Variants in BAZ1A observed in about 807,000 individuals in gnomAD.
BAZ1A encodes the protein bromodomain adjacent to zinc finger domain protein 1A.
BAZ1A carries 50 observed loss-of-function variants against 185.2 expected under a neutral mutation model. That is an observed-to-expected ratio of 0.27 (90% CI 0.22 to 0.34). BAZ1A has a LOEUF of 0.34. BAZ1A is among the 10% of genes least tolerant of loss of function. The probability of loss-of-function intolerance (pLI) is 1.00; values close to 1 mark genes in which losing one functional copy is unlikely to be tolerated. For synonymous variants in BAZ1A, 571 were observed against 615.6 expected (o/e 0.93, Z 1.07); for missense variants, 1,356 against 1,839.9 (o/e 0.74, Z 4.81).
At chr14:34,790,555 T>C (rs1042115045) in intron 12 of BAZ1A, among the ~76,000 whole-genome samples, 7 of 151,916 alleles carry the variant, frequency 4.6e-5, no homozygotes, top group African/African-American at 1.7e-4. Flanking sequence ...GGTTTCACCA[T>C]GTTGGTCAGG....
At chr14:34,794,404 A>G (rs973028351) in intron 11 of BAZ1A, among the ~76,000 whole-genome samples, 4 of 152,198 alleles carry the variant, frequency 2.6e-5, no homozygotes, top group African/African-American at 9.7e-5. Context: ...ATCCTGTTGA[A>G]TCCCACGGTG....
At chr14:34,862,998 T>TC (rs71121232) in intron 2 of BAZ1A, among the ~76,000 whole-genome samples, 1 of 149,170 alleles carries the variant, frequency 6.7e-6, no homozygotes, top group Non-Finnish European at 1.5e-5. Flanking sequence ...CTTTTTTTTT[T>TC]TTTTTTTTGA....
Position 34,862,222 on chromosome 14 carries a change from T to C in BAZ1A, c.214A>G (p.Lys72Glu). The C allele has an allele frequency of 6.2e-7, 1 of 1,614,194 alleles. No individual in the cohort carries two copies. Residue 72 changes from lysine to glutamate, a missense_variant, in exon 3 of 27, where the codon AAA (lysine) becomes GAA (glutamate). This residue lies in a region of BAZ1A where 332 missense variants were observed against 395.3 expected (regional missense o/e 0.84). Coordinates refer to ENST00000360310, the MANE Select transcript of BAZ1A (RefSeq NM_013448.3). Reference protein sequence around the residue: ...LTYQEALESEKKARQNLQSFP... With the variant: ...LTYQEALESEEKARQNLQSFP... Reference sequence around the variant, plus strand: ...CTCTGAAGATTCTGTCTTGCTTTTTTTTCTGACTCAAGTGCTTCCTGATAC... The same window carrying C: ...CTCTGAAGATTCTGTCTTGCTTTTTCTTCTGACTCAAGTGCTTCCTGATAC...
intron 4 of BAZ1A, among the ~76,000 whole-genome samples, chr14:34,824,986 T>C (rs1375260064): frequency 6.6e-6 from 1 of 152,176 alleles, no homozygotes. Context: ...TTTAATTGGT[T>C]GCAGACTCAG....
At chr14:34,786,545 T>G (rs1351903769) in intron 12 of BAZ1A, 1 of 183,978 alleles carries the variant, frequency 5.4e-6, no homozygotes, top group African/African-American at 2.4e-5. Flanking sequence ...CAATATAACC[T>G]TAGAAAAGTC....
chr14:34,818,129 T>C (rs1387917035), intron 4 of BAZ1A, among the ~76,000 whole-genome samples: 1 of 152,184 alleles, frequency 6.6e-6, no homozygotes, highest in Non-Finnish European at 1.5e-5. Context: ...AAATGTGATA[T>C]ACACATACAA....
chr14:34,776,764 A>G (rs1879644537), intron 17 of BAZ1A, among the ~76,000 whole-genome samples: 1 of 152,230 alleles, frequency 6.6e-6, no homozygotes, highest in African/African-American at 2.4e-5. Flanking sequence ...CTTAGACACC[A>G]GAGATCTTGT....
chr14:34,855,617 G>A (rs550820098), intron 3 of BAZ1A, among the ~76,000 whole-genome samples: 1 of 152,230 alleles, frequency 6.6e-6, no homozygotes, highest in Non-Finnish European at 1.5e-5. Context: ...TCTTGGGCCA[G>A]GCATGGTGGC....
chr14:34,783,269 G>T, intron 15 of BAZ1A, 37 bp from the exon 16 acceptor site: 1 of 1,225,056 alleles, frequency 8.2e-7, no homozygotes, highest in Non-Finnish European at 1.2e-6. Flanking sequence ...TCTATCTGAT[G>T]CACATATACA....
At chr14:34,802,145 T>C (rs1881604847) in intron 7 of BAZ1A, among the ~76,000 whole-genome samples, 1 of 152,180 alleles carries the variant, frequency 6.6e-6, no homozygotes, top group South Asian at 2.1e-4. Context: ...AGAAAAATTC[T>C]TGTGGCCAAT....
chr14:34,780,064 C>A, intron 17 of BAZ1A, 122 bp downstream of exon 17: 1 of 1,375,722 alleles, frequency 7.3e-7, no homozygotes, highest in Non-Finnish European at 1.0e-6. Flanking sequence ...TTTAAAAAAA[C>A]AAACACAGCC....
At chr14:34,778,453 G>C (rs1879810129) in intron 17 of BAZ1A, among the ~76,000 whole-genome samples, 6 of 152,156 alleles carry the variant, frequency 3.9e-5, no homozygotes, top group Non-Finnish European at 8.8e-5. Flanking sequence ...TCTTTTGCTT[G>C]AAAGAGTTTG....
chr14:34,784,057 A>G, intron 14 of BAZ1A, 130 bp from the exon 15 acceptor site: 1 of 807,308 alleles, frequency 1.2e-6, no homozygotes, highest in Non-Finnish European at 1.8e-6. Flanking sequence ...AAACATGTCA[A>G]TGACATGTCT....
intron 3 of BAZ1A, among the ~76,000 whole-genome samples, chr14:34,843,227 G>T (rs2042445872): frequency 6.6e-6 from 1 of 152,046 alleles, no homozygotes. Context: ...AGGCACTGTG[G>T]CAGACTGCTG....
chr14:34,832,228 A>ATATATATATATATATATATATATGTATG (rs1437244262), intron 3 of BAZ1A, among the ~76,000 whole-genome samples: 1 of 143,446 alleles, frequency 7.0e-6, no homozygotes, highest in African/African-American at 2.6e-5. Context: ...ATATATATAT[A>ATATATATATATATATATATATATGTATG]TATGTATGTA....
chr14:34,760,399 T>G (rs1004811665), intron 24 of BAZ1A, among the ~76,000 whole-genome samples: 5 of 152,074 alleles, frequency 3.3e-5, no homozygotes, highest in African/African-American at 1.2e-4. Flanking sequence ...ACAGATTACG[T>G]GCCATTCTTT....
At chr14:34,754,377 C>T (rs1230586064) in intron 26 of BAZ1A, among the ~76,000 whole-genome samples, 1 of 147,400 alleles carries the variant, frequency 6.8e-6, no homozygotes, top group Non-Finnish European at 1.5e-5. Context: ...CAAAATTTTG[C>T]CTCTGCACTC....
At chr14:34,787,348 T>C (rs192544314) in intron 12 of BAZ1A, among the ~76,000 whole-genome samples, 2,280 of 36,452 alleles carry the variant, frequency 0.063, 31 homozygotes, top group South Asian at 0.12. Flanking sequence ...CAAGACTCTG[T>C]CTCAAAAAAA....
Position 34,801,405 on chromosome 14 carries a change from C to CAAA in BAZ1A, c.862-213_862-212insTTT, listed in dbSNP as rs1167873070. 2.0e-5 allele frequency among the ~76,000 whole-genome samples: 3 copies of CAAA among 152,164 alleles called. No homozygotes were observed. In the East Asian group the frequency reaches 5.8e-4, roughly 29 times the overall value. ...CTCCTGGGCTCAAGTGATTCTTCTC[C>CAAA]CTCAGCCTCTCGAGTAGCTGGGATT... On this transcript the variant is annotated intron_variant, in intron 7 of 26. Transcript: ENST00000360310.
Sources: gnomAD v4.1 joint callset for allele counts (sites outside exome capture counted in the v4.1 genomes callset) on GRCh38, gnomAD v4.1.1 for gene constraint, gnomAD v4.1.1 regional missense constraint, MANE v1.5 for transcripts, NCBI Gene and HGNC (gene_info 2026-07-23, HGNC 2026-07-21) for gene names.